Variants in STRN observed in about 807,000 individuals in gnomAD.
STRN encodes the protein protein phosphatase 2 regulatory subunit B'''alpha.
STRN carries 53 observed loss-of-function variants against 96.3 expected under a neutral mutation model. The ratio of observed to expected loss-of-function variants is 0.55; its 90% confidence interval spans 0.44 to 0.69. STRN has a LOEUF of 0.69. Among genes scored for constraint, STRN ranks in the 30% least tolerant of loss-of-function variants. The pLI, the probability that STRN is intolerant of heterozygous loss-of-function variation, is 0.00. For synonymous variants in STRN, 428 were observed against 355.9 expected, an observed-to-expected ratio of 1.20 and a Z score of -2.28; for missense variants, 987 against 963.9, an observed-to-expected ratio of 1.02 and a Z score of -0.32.
chr2:36,893,877 G>C, intron 7 of STRN, 21 bp downstream of exon 7: 7 of 1,579,358 alleles, frequency 4.4e-6, no homozygotes, highest in Non-Finnish European at 6.0e-6. Flanking sequence ...ATCTCTGGTT[G>C]GATCCAGTAT....
At chr2:36,966,178 G>A in intron 1 of STRN, 52 bp downstream of exon 1, 4 of 1,453,982 alleles carry the variant, frequency 2.8e-6, no homozygotes, top group South Asian at 2.7e-5. Flanking sequence ...GGGGCGGGGC[G>A]GAAGGGAGCA....
At chr2:36,908,438 A>T (rs1253827128) in intron 3 of STRN, among the ~76,000 whole-genome samples, 1 of 152,214 alleles carries the variant, frequency 6.6e-6, no homozygotes, top group African/African-American at 2.4e-5. Context: ...GAAAGGCTAC[A>T]ATCTGTAAGA....
chr2:36,860,701 G>C (rs1558625132), intron 13 of STRN, among the ~76,000 whole-genome samples: 1 of 152,112 alleles, frequency 6.6e-6, no homozygotes, highest in Non-Finnish European at 1.5e-5. Flanking sequence ...TTGGTGTCAT[G>C]GGCTTTAAAA....
At chr2:36,857,014 C>T (rs1558623382) in intron 14 of STRN, among the ~76,000 whole-genome samples, 3 of 144,838 alleles carry the variant, frequency 2.1e-5, no homozygotes, top group African/African-American at 7.6e-5. Flanking sequence ...CCAATTAAAC[C>T]TTTTTTTTTT....
At chr2:36,852,347 A>G (rs1430060172) in intron 15 of STRN, among the ~76,000 whole-genome samples, 1 of 152,188 alleles carries the variant, frequency 6.6e-6, no homozygotes, top group Non-Finnish European at 1.5e-5. Flanking sequence ...TGTCCTTGTA[A>G]AATATATTAC....
At chr2:36,944,321 G>A (rs1670925622) in intron 1 of STRN, among the ~76,000 whole-genome samples, 1 of 152,142 alleles carries the variant, frequency 6.6e-6, no homozygotes, top group African/African-American at 2.4e-5. Flanking sequence ...TGCCATCAAG[G>A]TGGGCACTCC....
chr2:36,857,093 T>TG (rs1009505390), intron 14 of STRN, among the ~76,000 whole-genome samples: 12 of 151,902 alleles, frequency 7.9e-5, no homozygotes, highest in Admixed American at 2.0e-4. Context: ...TAGTCTTTTT[T>TG]TTTTTTAAAG....
In STRN at chr2:36,884,111, A is replaced by G. The variant is rs551928446; in HGVS notation, c.1043-36T>C. ...AAAGGGGGGGTGGGAGGAGATAAAAAAGAGAAAAGAGAATTATCCAATTGC... is the reference window on the plus strand; with the variant it reads ...AAAGGGGGGGTGGGAGGAGATAAAAGAGAGAAAAGAGAATTATCCAATTGC... On this transcript the variant is annotated intron_variant, in intron 8 of 17. Coordinates refer to ENST00000263918, the MANE Select transcript of STRN (RefSeq NM_003162.4). 252 of 1,310,492 alleles carry G rather than the reference A, an allele frequency of 1.9e-4. 3 individuals carry two copies. In the South Asian group the frequency reaches 7.3e-3, roughly 38 times the overall value. 81.2% of individuals were successfully genotyped at this position (1,310,492 alleles called of 1,614,324 possible).
chr2:36,867,621 CTAATT>C (rs1354670562), intron 12 of STRN, 188 bp downstream of exon 12: 2 of 377,956 alleles, frequency 5.3e-6, no homozygotes, highest in Non-Finnish European at 9.4e-6. Context: ...TAAATAAAAT[CTAATT>C]TAAGCACAAA....
intron 1 of STRN, among the ~76,000 whole-genome samples, chr2:36,931,164 A>G (rs943222088): frequency 3.9e-5 from 6 of 152,098 alleles, no homozygotes; most frequent in African/African-American, 1.4e-4. Context: ...ACTCCACAGA[A>G]GTTTGGAGTC....
intron 2 of STRN, 83 bp downstream of exon 2, chr2:36,925,022 C>T: frequency 7.8e-7 from 1 of 1,288,630 alleles, no homozygotes. Flanking sequence ...TACCATTGCA[C>T]CCCAGCCTGG....
At chr2:36,857,733 T>C (rs575524841) in intron 14 of STRN, 123 bp downstream of exon 14, 2 of 795,718 alleles carry the variant, frequency 2.5e-6, no homozygotes, top group African/African-American at 1.7e-5. Context: ...AAATACACTT[T>C]CGTGGCTTCA....
intron 15 of STRN, 114 bp downstream of exon 15, chr2:36,855,098 T>G: frequency 9.1e-7 from 1 of 1,103,834 alleles, no homozygotes; most frequent in Non-Finnish European, 1.3e-6. Context: ...GTTCTGAAAG[T>G]TAAGAGACAG....
At chr2:36,861,625 T>C (rs1243513088) in intron 12 of STRN, among the ~76,000 whole-genome samples, 3 of 152,192 alleles carry the variant, frequency 2.0e-5, no homozygotes, top group East Asian at 1.9e-4. Context: ...TCAGATATTA[T>C]GTGACTCTTT....
chr2:36,891,393 G>C lies in STRN; in HGVS notation c.931+2505C>G, dbSNP rs1044981337. 2.6e-5 allele frequency among the ~76,000 whole-genome samples: 4 copies of C among 152,164 alleles called. No individual in the cohort carries two copies. The South Asian group carries it at 6.2e-4, about 24-fold the overall frequency. The stretch of plus-strand genomic sequence containing the variant: ...ATACAAAAAATAGCCGGGCGTGGTG[G>C]CAGGCGCCTGTAATCCCAGCTACTC... On this transcript the variant is annotated intron_variant, in intron 7 of 17. Coordinates refer to ENST00000263918, the MANE Select transcript of STRN (RefSeq NM_003162.4).
At chr2:36,931,543 A>G (rs1314958306) in intron 1 of STRN, among the ~76,000 whole-genome samples, 1 of 152,244 alleles carries the variant, frequency 6.6e-6, no homozygotes, top group Non-Finnish European at 1.5e-5. Context: ...TCATTTAACA[A>G]TATTAACTAA....
Position 36,902,627 on chromosome 2 carries a change from C to G in STRN, c.616G>C (p.Val206Leu), listed in dbSNP as rs913444286. 1.2e-6 allele frequency: 2 copies of G among 1,611,346 alleles called. No individual in the cohort carries two copies. The highest frequency in any genetic ancestry group is 2.7e-5 in the African/African-American group (2 of 74,864). Reference protein sequence around the residue: ...REDDKNQDSVVNGTEAEVKET... With the variant: ...REDDKNQDSVLNGTEAEVKET... ...TTAACTTCAGCCTCTGTGCCATTTA[C>G]AACTGAGTCCTGATTTTTGTCATCT... Residue 206 changes from valine (V) to leucine (L), a missense_variant, in exon 5 of 18, where the codon GTA (valine) becomes CTA (leucine). Transcript: ENST00000263918.
At chr2:36,949,421 T>C (rs1460834501) in intron 1 of STRN, among the ~76,000 whole-genome samples, 1 of 150,434 alleles carries the variant, frequency 6.6e-6, no homozygotes, top group Admixed American at 6.7e-5. Context: ...ATAAAAAGAA[T>C]GTGTTAAACA....
At chr2:36,922,540 A>AC (rs200975845) in intron 2 of STRN, among the ~76,000 whole-genome samples, 1 of 150,762 alleles carries the variant, frequency 6.6e-6, no homozygotes, top group Non-Finnish European at 1.5e-5. Flanking sequence ...AAAAAAAAAA[A>AC]ATTAAACCTC....
Sources: allele counts gnomAD v4.1 joint callset (sites outside exome capture counted in the v4.1 genomes callset), GRCh38; gene constraint gnomAD v4.1.1; transcripts MANE v1.5; gene names NCBI Gene and HGNC (gene_info 2026-07-23, HGNC 2026-07-21).